The following CHRNA5 variants were observed in gnomAD, a reference collection of about 807,000 sequenced individuals.
The protein encoded by CHRNA5 is cholinergic receptor nicotinic alpha 5 subunit.
A neutral mutation model predicts 41.2 loss-of-function variants in CHRNA5; 28 were observed. That is an observed-to-expected ratio of 0.68 (90% confidence interval 0.50 to 0.93). CHRNA5 has a LOEUF of 0.93. CHRNA5 is among the 40% of genes least tolerant of loss of function. CHRNA5 has a pLI of 0.00. For missense variants in CHRNA5, 481 were observed against 581.9 expected, an observed-to-expected ratio of 0.83 and a Z score of 1.78; for synonymous variants, 188 against 205.8, an observed-to-expected ratio of 0.91 and a Z score of 0.74.
At chr15:78,578,615 A>T (rs1454596157) in intron 1 of CHRNA5, among the ~76,000 whole-genome samples, 2 of 152,236 alleles carry the variant, frequency 1.3e-5, no homozygotes, top group African/African-American at 2.4e-5. Flanking sequence ...GAGAACCAGG[A>T]AATAGGTTTC....
chr15:78,579,772 C>G (rs921742198), intron 1 of CHRNA5, among the ~76,000 whole-genome samples: 1 of 152,150 alleles, frequency 6.6e-6, no homozygotes, highest in African/African-American at 2.4e-5. Context: ...CTCTCCATGT[C>G]TCATGAGTAG....
chr15:78,586,799 A>G, intron 3 of CHRNA5, 110 bp downstream of exon 3: 1 of 800,330 alleles, frequency 1.2e-6, no homozygotes, highest in South Asian at 1.6e-5. Flanking sequence ...AATACAAATG[A>G]ATACGTGACT....
intron 1 of CHRNA5, among the ~76,000 whole-genome samples, chr15:78,574,333 T>A (rs1296797316): frequency 2.0e-5 from 3 of 146,552 alleles, no homozygotes; most frequent in Non-Finnish European, 3.0e-5. Context: ...TGAGCCGAGA[T>A]CGCACCAATG....
At chr15:78,590,010 G>A in exon 5 of CHRNA5, 2 of 1,614,186 alleles carry the variant, frequency 1.2e-6, no homozygotes, top group Non-Finnish European at 1.7e-6. Context: ...GGACCAAGAT[G>A]TAGACAAGAG....
In CHRNA5 at chr15:78,572,374, TTAAA is replaced by T. The variant is rs1368305198; in HGVS notation, c.106+6554_106+6557del. Among the ~76,000 whole-genome samples the T allele has an allele frequency of 4.6e-5, 7 of 152,362 alleles. No individual in the cohort carries two copies. In the East Asian group the frequency reaches 5.8e-4, roughly 13 times the overall value. On this transcript the variant is annotated intron_variant, in intron 1 of 5. Coordinates refer to ENST00000299565, the Ensembl canonical transcript of CHRNA5. ...ATAAATGCCAATCAGTGGTGAAAAC[TTAAA>T]TAAAGTCTAATGCACTCATAATGAT...
intron 1 of CHRNA5, among the ~76,000 whole-genome samples, chr15:78,573,812 A>G (rs935389994): frequency 8.1e-5 from 12 of 148,084 alleles, no homozygotes; most frequent in South Asian, 6.4e-4. Context: ...TTTTTTTGAG[A>G]CGGAGTTTCA....
intron 1 of CHRNA5, among the ~76,000 whole-genome samples, chr15:78,579,401 G>T (rs574138217): frequency 3.3e-5 from 5 of 152,034 alleles, no homozygotes; most frequent in Non-Finnish European, 5.9e-5. Flanking sequence ...TTACAGGCGT[G>T]TGCCACCATG....
In CHRNA5 at chr15:78,576,724, A is replaced by G. The variant is rs1030933790; in HGVS notation, c.107-4087A>G. ...TGAGGTGGGAGGATTGCTTGAGTCC[A>G]GGAGTTCCAGGCTGCAGTGAGCCGT... On this transcript the variant is annotated intron_variant, in intron 1 of 5. Transcript: ENST00000299565. 1.0e-3 allele frequency among the ~76,000 whole-genome samples: 152 copies of G among 151,316 alleles called. 1 individual carries two copies. The highest frequency in any genetic ancestry group is 1.5e-3 in the Non-Finnish European group (100 of 67,892).
intron 2 of CHRNA5, among the ~76,000 whole-genome samples, chr15:78,581,419 A>C (rs2141411506): frequency 6.6e-6 from 1 of 152,326 alleles, no homozygotes; most frequent in East Asian, 1.9e-4. Context: ...TATGACGTTC[A>C]TTAGTAGAAT....
At chr15:78,569,521 C>T (rs1240650593) in intron 1 of CHRNA5, among the ~76,000 whole-genome samples, 2 of 150,364 alleles carry the variant, frequency 1.3e-5, no homozygotes, top group Non-Finnish European at 2.9e-5. Flanking sequence ...GCAAGCTCTG[C>T]CTCCCGGGTT....
At chr15:78,593,011 C>G in intron 5 of CHRNA5, 81 bp from the exon 6 acceptor site, 1 of 1,524,590 alleles carries the variant, frequency 6.6e-7, no homozygotes, top group Non-Finnish European at 8.8e-7. Context: ...GATTTGGCTT[C>G]TAACTCAGTG....
At chr15:78,574,878 C>T (rs908387152) in intron 1 of CHRNA5, among the ~76,000 whole-genome samples, 4 of 150,748 alleles carry the variant, frequency 2.7e-5, no homozygotes, top group African/African-American at 9.8e-5. Context: ...GAGGTTGAGG[C>T]AGGAGGATTG....
At position 78,588,453 on chromosome 15, in the gene CHRNA5, T is replaced by A; in HGVS notation, c.413+30T>A. ...GTTATATTCTAAATATAGTTTTATA[T>A]TTTCAAAAGAAAACATTTGTATTTC... is the stretch of plus-strand genomic sequence containing the variant. On this transcript the variant is annotated intron_variant, in intron 4 of 5. Coordinates refer to ENST00000299565, the Ensembl canonical transcript of CHRNA5. This position sits in a 1 kb window ranked among gnomAD's most constrained non-coding sequence, Gnocchi z 4.1. 1.8e-6 allele frequency: 2 copies of A among 1,092,450 alleles called. No homozygotes were observed. The highest frequency in any genetic ancestry group is 2.6e-6 in the Non-Finnish European group (2 of 772,558). The allele number at this position is 1,092,450 out of a possible 1,614,324, so 67.7% of individuals were successfully genotyped here.
In CHRNA5 at chr15:78,581,985, A is replaced by G. The variant is rs1459475094; in HGVS notation, c.258+1023A>G. On this transcript the variant is annotated intron_variant, in intron 2 of 5. Coordinates refer to ENST00000299565, the Ensembl canonical transcript of CHRNA5. ...CCAATTTTTCTTATTATAATTAACA[A>G]TGATGAATATATTTGTACACAAATG... Among the ~76,000 whole-genome samples the G allele has an allele frequency of 2.0e-5, 3 of 152,220 alleles. No individual in the cohort carries two copies. The East Asian group carries it at 5.8e-4, about 29-fold the overall frequency.
chr15:78,595,075 T>C (rs1328051640), exon 6 of CHRNA5: 1 of 153,756 alleles, frequency 6.5e-6, no homozygotes, highest in Admixed American at 6.5e-5. Context: ...CAATGCTCTT[T>C]GGAAGGCGGA....
At chr15:78,581,541 A>G (rs1026617400) in intron 2 of CHRNA5, among the ~76,000 whole-genome samples, 4 of 152,160 alleles carry the variant, frequency 2.6e-5, no homozygotes, top group Admixed American at 2.6e-4. Context: ...GTAAATCAAT[A>G]ATTATTTCCC....
At chr15:78,567,201 C>T (rs951469824) in intron 1 of CHRNA5, among the ~76,000 whole-genome samples, 18 of 149,066 alleles carry the variant, frequency 1.2e-4, no homozygotes, top group African/African-American at 4.2e-4. Context: ...TACAGTGAGC[C>T]GAGATCGCGC....
At chr15:78,568,620 C>T (rs1244725568) in intron 1 of CHRNA5, among the ~76,000 whole-genome samples, 1 of 152,096 alleles carries the variant, frequency 6.6e-6, no homozygotes, top group Non-Finnish European at 1.5e-5. Context: ...TGTCCTAATG[C>T]TCTCCCTCCC....
chr15:78,588,049 G>C lies in CHRNA5; in HGVS notation c.304-265G>C, dbSNP rs1455051066. On this transcript the variant is annotated intron_variant, in intron 3 of 5. Coordinates refer to ENST00000299565, the Ensembl canonical transcript of CHRNA5. The surrounding 1 kb of genome is among the most constrained non-coding windows in gnomAD (Gnocchi z 4.1). Reference sequence around the variant, plus strand: ...TTCAAGTCCTGGATATAGTCAGTCAGTTGATGGGAGAAGAGTTGCCGAGCA... The same window carrying C: ...TTCAAGTCCTGGATATAGTCAGTCACTTGATGGGAGAAGAGTTGCCGAGCA... Among the ~76,000 whole-genome samples, 76 of 152,200 alleles carry C rather than the reference G, an allele frequency of 5.0e-4. No homozygotes were observed. The highest frequency in any genetic ancestry group is 2.9e-5 in the Non-Finnish European group (2 of 68,036).
Sources: allele counts gnomAD v4.1 joint callset (sites outside exome capture counted in the v4.1 genomes callset), GRCh38; gene constraint gnomAD v4.1.1; non-coding constraint Gnocchi (gnomAD v3.1); transcripts MANE v1.5; gene names NCBI Gene and HGNC (gene_info 2026-07-23, HGNC 2026-07-21).